The following CSMD1 variants were observed in gnomAD, a reference collection of about 807,000 sequenced individuals.
CSMD1 encodes the protein CUB and sushi domain-containing protein 1.
Under a neutral mutation model 417.5 loss-of-function variants are expected in CSMD1, and 213 were observed. The observed-to-expected ratio is 0.51, with a 90% CI of 0.46 to 0.57. The LOEUF is 0.57. CSMD1 is among the 20% of genes least tolerant of loss of function. The pLI is 0.00. For missense variants in CSMD1, 6,923 were observed against 4,529.7 expected, an observed-to-expected ratio of 1.53 and a Z score of -15.17; for synonymous variants, 2,862 against 1,736.8, an observed-to-expected ratio of 1.65 and a Z score of -16.11.
intron 3 of CSMD1, among the ~76,000 whole-genome samples, chr8:4,210,041 C>G (rs1205819449): frequency 6.6e-6 from 1 of 152,190 alleles, no homozygotes; most frequent in Non-Finnish European, 1.5e-5. Flanking sequence ...GGTCCAGTGT[C>G]TAAGCCCTGC....
intron 8 of CSMD1, among the ~76,000 whole-genome samples, chr8:3,608,138 C>A (rs1488526694): frequency 2.0e-5 from 3 of 150,602 alleles, no homozygotes; most frequent in African/African-American, 7.3e-5. Context: ...TGTGCCACTG[C>A]CCTCCAGCCT....
At chr8:3,239,045 T>C (rs139041206) in intron 26 of CSMD1, among the ~76,000 whole-genome samples, 163 of 152,306 alleles carry the variant, frequency 1.1e-3, no homozygotes, top group African/African-American at 3.7e-3. Context: ...GGAACATCTA[T>C]ACAGGAGTTT....
chr8:4,036,606 G>C (rs1797630766), intron 3 of CSMD1, among the ~76,000 whole-genome samples: 1 of 152,156 alleles, frequency 6.6e-6, no homozygotes, highest in South Asian at 2.1e-4. Flanking sequence ...AAAAATTAAG[G>C]CAGATGTTAG....
intron 1 of CSMD1, among the ~76,000 whole-genome samples, chr8:4,883,055 G>A (rs1050940405): frequency 2.0e-5 from 3 of 151,990 alleles, no homozygotes; most frequent in East Asian, 3.9e-4. Flanking sequence ...AGAGTGCTAT[G>A]GATTACTTAA....
chr8:3,740,312 G>A (rs1796731386), intron 6 of CSMD1, among the ~76,000 whole-genome samples: 1 of 152,114 alleles, frequency 6.6e-6, no homozygotes, highest in African/African-American at 2.4e-5. Context: ...GACCATGTTG[G>A]ACAGGCTGGT....
chr8:3,851,342 C>A (rs1296432513), intron 5 of CSMD1, among the ~76,000 whole-genome samples: 4 of 152,200 alleles, frequency 2.6e-5, no homozygotes, highest in Non-Finnish European at 5.9e-5. Context: ...AACTTGATAG[C>A]CCATCCATTC....
At chr8:3,245,190 A>T (rs1010508280) in intron 26 of CSMD1, among the ~76,000 whole-genome samples, 5 of 152,130 alleles carry the variant, frequency 3.3e-5, no homozygotes, top group African/African-American at 1.2e-4. Flanking sequence ...CTGTCTTCTG[A>T]GTTGCTCAAA....
At chr8:4,106,946 G>A (rs1801599688) in intron 3 of CSMD1, among the ~76,000 whole-genome samples, 1 of 152,170 alleles carries the variant, frequency 6.6e-6, no homozygotes, top group African/African-American at 2.4e-5. Context: ...GTGGTTCTCA[G>A]TTTCACAGGG....
Position 3,742,140 on chromosome 8 carries a change from A to T in CSMD1, c.931+11790T>A, listed in dbSNP as rs543418901. 9.9e-5 allele frequency among the ~76,000 whole-genome samples: 15 copies of T among 152,216 alleles called. No individual in the cohort carries two copies. In the East Asian group the frequency reaches 2.5e-3, roughly 26 times the overall value. On this transcript the variant is annotated intron_variant, in intron 6 of 69. Transcript: ENST00000635120. ...CATCAGTCTATTTGTCTATCCACCT[A>T]GTCACTTCTATCGCCTTTCTGTAAA...
chr8:3,561,328 G>T (rs1277498358), intron 10 of CSMD1, among the ~76,000 whole-genome samples: 1 of 152,136 alleles, frequency 6.6e-6, no homozygotes, highest in Non-Finnish European at 1.5e-5. Flanking sequence ...AAAGACACCC[G>T]CACTCCTCTG....
chr8:3,041,822 G>A (rs1488401682), intron 50 of CSMD1, among the ~76,000 whole-genome samples: 1 of 152,206 alleles, frequency 6.6e-6, no homozygotes, highest in Non-Finnish European at 1.5e-5. Flanking sequence ...TCAAATGGCG[G>A]TAAACCCCAT....
At position 3,242,257 on chromosome 8, in the gene CSMD1, G is replaced by T. The variant is rs183667499; in HGVS notation, c.4154-12026C>A. On this transcript the variant is annotated intron_variant, in intron 26 of 69. Transcript: ENST00000635120. ...AGGATTATAGAGTGGAGGAACGGAG[G>T]CTGAGGAAGATTTGGGACCTAGCTC... is the stretch of plus-strand genomic sequence containing the variant. Among the ~76,000 whole-genome samples, 249 of 151,812 alleles carry T rather than the reference G, an allele frequency of 1.6e-3. 1 individual carries two copies. The highest frequency in any genetic ancestry group is 5.9e-3 in the African/African-American group (246 of 41,408).
chr8:4,678,668 C>A (rs888917315), intron 1 of CSMD1, among the ~76,000 whole-genome samples: 1 of 152,080 alleles, frequency 6.6e-6, no homozygotes, highest in African/African-American at 2.4e-5. Context: ...AAATGGATAC[C>A]TTTCAACAGA....
chr8:4,249,797 A>G (rs1802943340), intron 3 of CSMD1, among the ~76,000 whole-genome samples: 2 of 152,144 alleles, frequency 1.3e-5, no homozygotes, highest in African/African-American at 4.8e-5. Flanking sequence ...TGAAGAACAC[A>G]GTGTCAGTTT....
intron 2 of CSMD1, among the ~76,000 whole-genome samples, chr8:4,597,560 C>T (rs1029557908): frequency 1.5e-4 from 23 of 150,798 alleles, no homozygotes; most frequent in Non-Finnish European, 2.8e-4. Flanking sequence ...ACTTATTTCC[C>T]AAAACAATGC....
intron 5 of CSMD1, among the ~76,000 whole-genome samples, chr8:3,873,766 G>A (rs1294715346): frequency 6.6e-6 from 1 of 152,022 alleles, no homozygotes; most frequent in Non-Finnish European, 1.5e-5. Context: ...AAAATCAGAT[G>A]GCCTGAACCA....
chr8:3,720,118 T>C (rs933454930), intron 6 of CSMD1, among the ~76,000 whole-genome samples: 1 of 152,210 alleles, frequency 6.6e-6, no homozygotes, highest in Non-Finnish European at 1.5e-5. Flanking sequence ...CGTGGAATGT[T>C]AATGCAACTC....
chr8:4,617,571 A>C (rs1182369515), intron 2 of CSMD1, among the ~76,000 whole-genome samples: 1 of 152,112 alleles, frequency 6.6e-6, no homozygotes, highest in African/African-American at 2.4e-5. Flanking sequence ...CGCTCTCCTT[A>C]TCGATCCTGA....
chr8:4,015,039 T>A (rs75711848), intron 4 of CSMD1, among the ~76,000 whole-genome samples: 3,780 of 152,286 alleles, frequency 0.025, 69 homozygotes, highest in Non-Finnish European at 0.036. Flanking sequence ...ACTGATTTTT[T>A]TGAACAGTTT....
Sources: gnomAD v4.1 joint callset for allele counts (sites outside exome capture counted in the v4.1 genomes callset) on GRCh38, gnomAD v4.1.1 for gene constraint, MANE v1.5 for transcripts, NCBI Gene and HGNC (gene_info 2026-07-23, HGNC 2026-07-21) for gene names.